Variants in DOCK1 observed in about 807,000 individuals in gnomAD.
DOCK1 encodes dedicator of cytokinesis protein 1.
In DOCK1, 138 loss-of-function variants were observed where a neutral mutation model predicts 262.7. The ratio of observed to expected loss-of-function variants is 0.53; its 90% confidence interval spans 0.46 to 0.61. The LOEUF (loss-of-function observed/expected upper bound fraction) is 0.61, where lower values mean the gene tolerates loss of function less well. Ranked by LOEUF, DOCK1 falls within the 20% of genes least tolerant of loss-of-function variation. The pLI is 0.00. For synonymous variants in DOCK1, 866 were observed against 867.4 expected (o/e 1.00, Z 0.03); for missense variants, 1,908 against 2,370.7 (o/e 0.80, Z 4.05).
At chr10:127,248,698 G>A (rs2059514565) in intron 28 of DOCK1, among the ~76,000 whole-genome samples, 1 of 152,200 alleles carries the variant, frequency 6.6e-6, no homozygotes, top group South Asian at 2.1e-4. Context: ...CCTCTGCAAA[G>A]CTGCAACCAA....
At chr10:127,420,662 C>T (rs919060608) in intron 46 of DOCK1, among the ~76,000 whole-genome samples, 3 of 151,926 alleles carry the variant, frequency 2.0e-5, no homozygotes, top group African/African-American at 4.8e-5. Context: ...TGATCTGCAC[C>T]CAGTCCAGAA....
chr10:126,942,110 T>C (rs1036623352), intron 1 of DOCK1, among the ~76,000 whole-genome samples: 29 of 152,112 alleles, frequency 1.9e-4, no homozygotes, highest in East Asian at 3.9e-4. Flanking sequence ...CTGCAAGCTC[T>C]GCCTCCCGGT....
chr10:127,271,471 TA>T (rs542167958), intron 29 of DOCK1, among the ~76,000 whole-genome samples: 162 of 152,326 alleles, frequency 1.1e-3, no homozygotes, highest in African/African-American at 3.6e-3. Flanking sequence ...TTCAGGTCTA[TA>T]AAAAAATGAT....
At chr10:127,346,905 G>T (rs1392944758) in intron 31 of DOCK1, among the ~76,000 whole-genome samples, 1 of 152,176 alleles carries the variant, frequency 6.6e-6, no homozygotes, top group Non-Finnish European at 1.5e-5. Context: ...TGTCTGAGGG[G>T]CCTCTCCAGG....
intron 38 of DOCK1, among the ~76,000 whole-genome samples, chr10:127,389,468 T>A (rs1027181030): frequency 9.2e-5 from 14 of 152,258 alleles, no homozygotes; most frequent in African/African-American, 1.9e-4. Flanking sequence ...AAATACTTTT[T>A]AAATGGTCCA....
At chr10:127,433,836 CTT>C (rs201225701) in intron 48 of DOCK1, among the ~76,000 whole-genome samples, 2 of 144,814 alleles carry the variant, frequency 1.4e-5, no homozygotes, top group Non-Finnish European at 1.5e-5. Context: ...GTGATTTCTT[CTT>C]TTTTTTTTTT....
chr10:127,140,846 C>T (rs1183186536), intron 27 of DOCK1, among the ~76,000 whole-genome samples: 1 of 152,214 alleles, frequency 6.6e-6, no homozygotes, highest in East Asian at 1.9e-4. Context: ...GAAAAGCTGC[C>T]GGTAGATGTT....
At chr10:127,043,360 A>G (rs2044144723) in intron 21 of DOCK1, among the ~76,000 whole-genome samples, 196 bp downstream of exon 21, 1 of 152,218 alleles carries the variant, frequency 6.6e-6, no homozygotes, top group Admixed American at 6.5e-5. Context: ...GTGATAAATC[A>G]TCGTAATATT....
At chr10:127,083,214 C>T (rs2047007211) in intron 23 of DOCK1, among the ~76,000 whole-genome samples, 1 of 152,220 alleles carries the variant, frequency 6.6e-6, no homozygotes, top group Non-Finnish European at 1.5e-5. Flanking sequence ...CAGGTTCCAA[C>T]ACTTTCTGGA....
chr10:127,043,651 T>C (rs545166440), intron 21 of DOCK1, among the ~76,000 whole-genome samples: 3 of 152,320 alleles, frequency 2.0e-5, no homozygotes, highest in Admixed American at 2.0e-4. Flanking sequence ...GGATTCCTTC[T>C]ATCCACCCCT....
intron 33 of DOCK1, among the ~76,000 whole-genome samples, chr10:127,363,444 A>G (rs1304081329): frequency 6.6e-6 from 1 of 152,156 alleles, no homozygotes; most frequent in Non-Finnish European, 1.5e-5. Context: ...ACTCCCGCCT[A>G]GGTGACAGAG....
At chr10:127,254,377 T>G (rs1171559243) in intron 28 of DOCK1, among the ~76,000 whole-genome samples, 5 of 152,192 alleles carry the variant, frequency 3.3e-5, no homozygotes, top group Non-Finnish European at 7.3e-5. Flanking sequence ...TTTATCCCCC[T>G]GTATGTTCTG....
intron 27 of DOCK1, among the ~76,000 whole-genome samples, chr10:127,159,507 A>G (rs747130024): frequency 6.6e-6 from 1 of 152,192 alleles, no homozygotes; most frequent in Admixed American, 6.5e-5. Flanking sequence ...TTTTGTGTGT[A>G]AATACACACA....
intron 27 of DOCK1, among the ~76,000 whole-genome samples, chr10:127,192,092 G>A (rs578137687): frequency 6.6e-6 from 1 of 152,254 alleles, no homozygotes; most frequent in African/African-American, 2.4e-5. Context: ...CATTCTATTG[G>A]ATAGAATAGT....
chr10:127,315,558 T>C (rs1019372290), intron 29 of DOCK1, among the ~76,000 whole-genome samples: 1 of 152,166 alleles, frequency 6.6e-6, no homozygotes, highest in African/African-American at 2.4e-5. Flanking sequence ...CAGAACTGTG[T>C]GAAAAGAAGT....
intron 27 of DOCK1, among the ~76,000 whole-genome samples, chr10:127,228,892 C>T (rs2058737029): frequency 6.6e-6 from 1 of 152,154 alleles, no homozygotes. Flanking sequence ...AACTAACATG[C>T]ATTCTCTCAC....
At chr10:127,373,149 C>T (rs953226990) in intron 33 of DOCK1, among the ~76,000 whole-genome samples, 12 of 152,130 alleles carry the variant, frequency 7.9e-5, no homozygotes, top group African/African-American at 9.7e-5. Flanking sequence ...CTGGTACTGG[C>T]GACCCTTCTG....
chr10:127,322,733 T>C (rs1250509527), intron 29 of DOCK1, among the ~76,000 whole-genome samples: 1 of 152,270 alleles, frequency 6.6e-6, no homozygotes, highest in Non-Finnish European at 1.5e-5. Context: ...ACTTTTTGTA[T>C]TGTCAGTGGC....
At chr10:127,048,063 A>G (rs1292018324) in intron 21 of DOCK1, among the ~76,000 whole-genome samples, 2 of 152,222 alleles carry the variant, frequency 1.3e-5, no homozygotes, top group Non-Finnish European at 2.9e-5. Context: ...GGATACGTGT[A>G]TAGTTTTCTT....
Sources: allele counts gnomAD v4.1 joint callset (sites outside exome capture counted in the v4.1 genomes callset), GRCh38; gene constraint gnomAD v4.1.1; transcripts MANE v1.5; gene names NCBI Gene and HGNC (gene_info 2026-07-23, HGNC 2026-07-21).